Variants in ENPP3 observed in about 807,000 individuals in gnomAD.
The protein encoded by ENPP3 is ectonucleotide pyrophosphatase/phosphodiesterase family member 3.
ENPP3 carries 104 observed loss-of-function variants against 117.8 expected under a neutral mutation model. The observed-to-expected ratio is 0.88, with a 90% CI of 0.75 to 1.04. The LOEUF (loss-of-function observed/expected upper bound fraction) is 1.04, where lower values mean the gene tolerates loss of function less well. ENPP3 is among the 50% of genes least tolerant of loss of function. The pLI is 0.00. For missense variants in ENPP3, 1,026 were observed against 1,051.9 expected (o/e 0.98, Z 0.34); for synonymous variants, 380 against 349.9 (o/e 1.09, Z -0.96).
chr6:131,724,014 C>G, intron 18 of ENPP3, 26 bp from the exon 19 acceptor site: 2 of 1,584,306 alleles, frequency 1.3e-6, no homozygotes, highest in Non-Finnish European at 1.7e-6. Context: ...ATTTCCTCCC[C>G]TTTCCCATCC....
chr6:131,726,634 C>G (rs530496451), intron 20 of ENPP3, among the ~76,000 whole-genome samples: 12 of 152,106 alleles, frequency 7.9e-5, no homozygotes, highest in African/African-American at 2.4e-4. Flanking sequence ...ATAGTAGGCA[C>G]CAAATATACA....
chr6:131,656,714 C>T (rs554575171), intron 5 of ENPP3, among the ~76,000 whole-genome samples: 1 of 149,450 alleles, frequency 6.7e-6, no homozygotes, highest in East Asian at 2.0e-4. Flanking sequence ...TTACAGTGAG[C>T]AGAGATCAGG....
At chr6:131,697,638 G>T (rs746630215) in intron 15 of ENPP3, among the ~76,000 whole-genome samples, 5 of 151,864 alleles carry the variant, frequency 3.3e-5, no homozygotes, top group Non-Finnish European at 5.9e-5. Flanking sequence ...TCAGGCGTTA[G>T]ATTTTCGTAA....
chr6:131,695,785 G>A (rs764910720), intron 15 of ENPP3, among the ~76,000 whole-genome samples: 9 of 152,054 alleles, frequency 5.9e-5, no homozygotes, highest in South Asian at 4.2e-4. Context: ...GCATGGTGGC[G>A]TGTACCTGTA....
chr6:131,699,193 G>T (rs1301452136), intron 15 of ENPP3, among the ~76,000 whole-genome samples: 2 of 128,838 alleles, frequency 1.6e-5, no homozygotes, highest in African/African-American at 6.3e-5. Context: ...AGCCGAGATT[G>T]CACCACTGCA....
At chr6:131,744,798 TTTA>T (rs1780598767) in intron 24 of ENPP3, among the ~76,000 whole-genome samples, 1 of 137,206 alleles carries the variant, frequency 7.3e-6, no homozygotes, top group East Asian at 1.9e-4. Flanking sequence ...TAACAGGTCA[TTTA>T]TACACACACA....
At chr6:131,706,073 G>A (rs1779633819) in intron 15 of ENPP3, among the ~76,000 whole-genome samples, 1 of 126,828 alleles carries the variant, frequency 7.9e-6, no homozygotes, top group South Asian at 2.6e-4. Flanking sequence ...CTGTTGCCCA[G>A]GCTGGAGTGC....
Position 131,724,020 on chromosome 6 carries a change from C to T in ENPP3, c.1747-20C>T, listed in dbSNP as rs1780093929. On this transcript the variant is annotated intron_variant, in intron 18 of 24. Transcript: ENST00000357639. ...CTTTGACTTATTTCCTCCCCTTTCCCATCCCTCATTATCTTGCAGAGTACT... is the reference window on the plus strand; with the variant it reads ...CTTTGACTTATTTCCTCCCCTTTCCTATCCCTCATTATCTTGCAGAGTACT... 4 of 1,594,526 alleles carry T rather than the reference C, an allele frequency of 2.5e-6. No individual in the cohort carries two copies. Among genetic ancestry groups the T allele is most frequent in the Admixed American group, 3.4e-5 (2 of 59,004 alleles).
At position 131,722,240 on chromosome 6, in the gene ENPP3, T is replaced by G. The variant is rs190358082; in HGVS notation, c.1581T>G (p.Ile527Met). The G allele has an allele frequency of 6.2e-7, 1 of 1,612,408 alleles. No individual in the cohort carries two copies. The highest frequency in any genetic ancestry group is 1.3e-5 in the African/African-American group (1 of 74,902). The change falls in exon 18 of 25, where the codon ATT becomes ATG. Residue 527 changes from isoleucine (I) to methionine (M), a missense_variant. Physicochemically the swap from Ile to Met is conservative, Grantham distance 10. Coordinates refer to ENST00000357639, the MANE Select transcript of ENPP3 (RefSeq NM_005021.5). ...VYNLMCDLLR[I>M]QPAPNNGTHG... ...TTCAAAAAACAGATCTTCTACGCAT[T>G]CAACCAGCACCAAACAATGGAACCC...
chr6:131,651,905 C>A (rs1377563284), intron 3 of ENPP3, among the ~76,000 whole-genome samples: 1 of 152,192 alleles, frequency 6.6e-6, no homozygotes, highest in Non-Finnish European at 1.5e-5. Context: ...TGTCTAAGCA[C>A]AAGGCTAACA....
intron 1 of ENPP3, among the ~76,000 whole-genome samples, chr6:131,639,688 A>G (rs1778002579): frequency 6.6e-6 from 1 of 152,168 alleles, no homozygotes; most frequent in African/African-American, 2.4e-5. Context: ...AAGCCAAATG[A>G]TGTGCTCTCA....
chr6:131,642,155 C>T (rs1231650682), intron 2 of ENPP3, among the ~76,000 whole-genome samples: 1 of 152,028 alleles, frequency 6.6e-6, no homozygotes, highest in Non-Finnish European at 1.5e-5. Flanking sequence ...TCTGCTCCCA[C>T]TGTCATTTTC....
intron 5 of ENPP3, among the ~76,000 whole-genome samples, chr6:131,656,693 G>A (rs1184385057): frequency 1.3e-5 from 2 of 152,100 alleles, no homozygotes; most frequent in East Asian, 1.9e-4. Flanking sequence ...TGTGAACCTG[G>A]GAGGCGGAGC....
chr6:131,692,816 T>C (rs1779310656), intron 14 of ENPP3, among the ~76,000 whole-genome samples: 1 of 144,346 alleles, frequency 6.9e-6, no homozygotes, highest in African/African-American at 2.6e-5. Flanking sequence ...TGATATATGA[T>C]ATATGATATG....
rs1779583621 is a variant in ENPP3 at position 131,703,568 on chromosome 6, G to A, written c.1412+9944G>A. 1.5e-5 allele frequency among the ~76,000 whole-genome samples: 2 copies of A among 135,810 alleles called. 1 individual carries two copies. Among genetic ancestry groups the A allele is most frequent in the Non-Finnish European group, 3.0e-5 (2 of 66,666 alleles). The allele number at this position is 135,810 out of a possible 152,430, so 89.1% of individuals were successfully genotyped here. A position where few individuals can be genotyped will look rare whatever the true frequency, so the allele number is the denominator to read the frequency against. The stretch of plus-strand genomic sequence containing the variant: ...AAAGTGTGACGGTAAAAGCAAACAA[G>A]CAATGAAAATGACCTTAAATTATAT... On this transcript the variant is annotated intron_variant, in intron 15 of 24. Coordinates refer to ENST00000357639, the MANE Select transcript of ENPP3 (RefSeq NM_005021.5).
Position 131,649,956 on chromosome 6 carries a change from G to A in ENPP3, c.155-71G>A. 7.1e-6 allele frequency: 11 copies of A among 1,542,004 alleles called. No individual in the cohort carries two copies. In the South Asian group the frequency reaches 1.0e-4, roughly 14 times the overall value. On this transcript the variant is annotated intron_variant, in intron 2 of 24. Coordinates refer to ENST00000357639, the MANE Select transcript of ENPP3 (RefSeq NM_005021.5). ...AGTCTGTGCTGTGTACTTCCTGTGT[G>A]CTTCCACTGCTTAGGTATGAGATAT...
At chr6:131,711,552 TAAGA>T (rs1379453223) in intron 15 of ENPP3, among the ~76,000 whole-genome samples, 28 of 131,838 alleles carry the variant, frequency 2.1e-4, no homozygotes, top group African/African-American at 8.8e-4. Flanking sequence ...AAGAAACATA[TAAGA>T]AAGGGTCATA....
intron 15 of ENPP3, chr6:131,709,663 T>G (rs1228164123): frequency 6.2e-7 from 1 of 1,613,008 alleles, no homozygotes; most frequent in Non-Finnish European, 8.5e-7. Context: ...AACCTGCTTT[T>G]GATAAAAATG....
chr6:131,637,707 C>A (rs540127239), intron 1 of ENPP3, among the ~76,000 whole-genome samples: 5 of 152,142 alleles, frequency 3.3e-5, no homozygotes, highest in Non-Finnish European at 7.4e-5. Context: ...CATGACAGAA[C>A]GCTTTGTGGC....
Sources: allele counts gnomAD v4.1 joint callset (sites outside exome capture counted in the v4.1 genomes callset), GRCh38; gene constraint gnomAD v4.1.1; transcripts MANE v1.5; gene names NCBI Gene and HGNC (gene_info 2026-07-23, HGNC 2026-07-21).